SLC2A14: variants seen among roughly 807,000 people sequenced by gnomAD.
The protein encoded by SLC2A14 is solute carrier family 2, facilitated glucose transporter member 14.
A neutral mutation model predicts 43.0 loss-of-function variants in SLC2A14; 13 were observed. The ratio of observed to expected loss-of-function variants is 0.30; its 90% confidence interval spans 0.20 to 0.48. The LOEUF (loss-of-function observed/expected upper bound fraction) is 0.48, where lower values mean the gene tolerates loss of function less well. Among genes scored for constraint, SLC2A14 ranks in the 20% least tolerant of loss-of-function variants. The probability of loss-of-function intolerance (pLI) is 0.99; values close to 1 mark genes in which losing one functional copy is unlikely to be tolerated. For missense variants in SLC2A14, 428 were observed against 620.4 expected (o/e 0.69, Z 3.29); for synonymous variants, 190 against 233.8 (o/e 0.81, Z 1.71).
intron 9 of SLC2A14, 39 bp downstream of exon 9, chr12:7,819,443 C>T (rs767100187): frequency 6.2e-7 from 1 of 1,609,330 alleles, no homozygotes; most frequent in African/African-American, 1.3e-5. Flanking sequence ...AACCTCTCTT[C>T]TTTCCCCCTC....
At chr12:7,822,943 G>A (rs1864047750) in intron 7 of SLC2A14, among the ~76,000 whole-genome samples, 1 of 152,156 alleles carries the variant, frequency 6.6e-6, no homozygotes, top group Admixed American at 6.6e-5. Context: ...ACCTTATCCT[G>A]CTCCTTGAAT....
intron 10 of SLC2A14, 108 bp downstream of exon 10, chr12:7,817,723 G>T (rs760593837): frequency 1.1e-5 from 11 of 1,042,514 alleles, no homozygotes; most frequent in Admixed American, 4.1e-5. Context: ...ACACCAGGGC[G>T]AGACTCAGTC....
Position 7,829,892 on chromosome 12 carries a change from G to T in SLC2A14, c.387C>A (p.Gly129=). The T allele has an allele frequency of 1.2e-6, 2 of 1,614,188 alleles. No homozygotes were observed. The highest frequency in any genetic ancestry group is 1.7e-6 in the Non-Finnish European group (2 of 1,180,030). The change falls in exon 5 of 11, where the codon GGC becomes GGA. Residue 129 remains glycine, a synonymous_variant. Coordinates refer to ENST00000431042, the MANE Select transcript of SLC2A14 (RefSeq NM_001286234.2). ...AACCTGTGCAGAGTCCGCAGAAGAG[G>T]CCAATAACCAAGCGGCCCAGGATCA... ...EMLILGRLVI[G]LFCGLCTGFV...
At chr12:7,840,413 CTT>C (rs1865854177) in intron 2 of SLC2A14, among the ~76,000 whole-genome samples, 1 of 151,950 alleles carries the variant, frequency 6.6e-6, no homozygotes, top group Admixed American at 6.6e-5. Flanking sequence ...GAATTTCGCT[CTT>C]GTCGCCTAGT....
upstream of SLC2A14, among the ~76,000 whole-genome samples, chr12:7,874,629 G>A (rs1389636982): frequency 7.4e-5 from 11 of 148,948 alleles, no homozygotes; most frequent in Admixed American, 5.4e-4. Flanking sequence ...CCGAGATCAC[G>A]CCACTGCACT....
At chr12:7,856,459 A>G (rs1592264403) in intron 2 of SLC2A14, 3 of 152,292 alleles carry the variant, frequency 2.0e-5, no homozygotes, top group African/African-American at 7.2e-5. Flanking sequence ...CAACATAGCA[A>G]GATCCTGTCT....
chr12:7,866,099 C>T (rs1346974804), intron 2 of SLC2A14, among the ~76,000 whole-genome samples: 1 of 151,714 alleles, frequency 6.6e-6, no homozygotes, highest in Non-Finnish European at 1.5e-5. Context: ...CGCTTGTACC[C>T]AGCTAATCCC....
intron 1 of SLC2A14, among the ~76,000 whole-genome samples, chr12:7,879,825 T>G (rs1191809378): frequency 6.6e-6 from 1 of 150,746 alleles, no homozygotes; most frequent in South Asian, 2.1e-4. Context: ...GCCAACATGG[T>G]GAAACCCCAT....
At chr12:7,842,635 C>G (rs1866061197) in intron 2 of SLC2A14, among the ~76,000 whole-genome samples, 1 of 151,962 alleles carries the variant, frequency 6.6e-6, no homozygotes, top group Non-Finnish European at 1.5e-5. Flanking sequence ...AATCACCAGG[C>G]TACCACCCCC....
chr12:7,837,012 C>G (rs1865514690), intron 2 of SLC2A14, among the ~76,000 whole-genome samples: 1 of 150,076 alleles, frequency 6.7e-6, no homozygotes. Flanking sequence ...AATAAAAATA[C>G]AAAAATTATC....
intron 2 of SLC2A14, among the ~76,000 whole-genome samples, chr12:7,862,494 C>T (rs1944629730): frequency 6.6e-6 from 1 of 151,934 alleles, no homozygotes; most frequent in Non-Finnish European, 1.5e-5. Context: ...CCTGTGCGGA[C>T]GAGCCTCCCC....
chr12:7,834,150 C>A (rs78729165), intron 2 of SLC2A14, among the ~76,000 whole-genome samples: 34 of 151,662 alleles, frequency 2.2e-4, no homozygotes, highest in Non-Finnish European at 4.6e-4. Flanking sequence ...AGTAAAAGTC[C>A]TTTCTTTCTC....
At chr12:7,874,950 ATATT>A (rs1368328086), upstream of SLC2A14, among the ~76,000 whole-genome samples, 125 of 7,150 alleles carry the variant, frequency 0.017, 12 homozygotes, top group African/African-American at 0.032. Context: ...ATATATAAAT[ATATT>A]TATATATAAA....
At chr12:7,855,842 A>G (rs1409687266) in intron 2 of SLC2A14, among the ~76,000 whole-genome samples, 2 of 151,656 alleles carry the variant, frequency 1.3e-5, no homozygotes, top group East Asian at 1.9e-4. Context: ...TCACCATGTT[A>G]GCCAGGATGG....
In SLC2A14 at chr12:7,829,983, T is replaced by G; in HGVS notation, c.296A>C (p.Asn99Thr). 1.2e-6 allele frequency: 2 copies of G among 1,614,190 alleles called. No individual in the cohort carries two copies. The highest frequency in any genetic ancestry group is 2.2e-5 in the South Asian group (2 of 91,084). Residue 99 changes from asparagine to threonine, a missense_variant, in exon 5 of 11, where the codon AAC becomes ACC. This residue lies in a region of SLC2A14 where 122 missense variants were observed against 128.8 expected (regional missense o/e 0.95). Transcript: ENST00000431042. ...FGRRNSMLIV[N>T]LLAATGGCLM... ...GCAGCCACCAGTGGCAGCCAACAGGTTGACAATCAGCATTGAATTGCGCCT... is the reference window on the plus strand; with the variant it reads ...GCAGCCACCAGTGGCAGCCAACAGGGTGACAATCAGCATTGAATTGCGCCT...
At chr12:7,843,154 T>C (rs1866131462) in intron 2 of SLC2A14, among the ~76,000 whole-genome samples, 1 of 151,484 alleles carries the variant, frequency 6.6e-6, no homozygotes, top group Non-Finnish European at 1.5e-5. Flanking sequence ...GACAACTTAG[T>C]CAGCTGACCA....
chr12:7,871,302 T>A, intron 1 of SLC2A14: 1 of 1,109,340 alleles, frequency 9.0e-7, no homozygotes, highest in South Asian at 2.8e-5. Flanking sequence ...CACCCATTGA[T>A]AAAAAAAGAC....
chr12:7,817,769 T>TAGATAGATAGAC, intron 10 of SLC2A14, 62 bp downstream of exon 10: 3 of 1,548,976 alleles, frequency 1.9e-6, no homozygotes, highest in Admixed American at 3.6e-5. Context: ...GATAGATAGA[T>TAGATAGATAGAC]AGATAGATAG....
chr12:7,819,336 T>C, intron 9 of SLC2A14, 146 bp downstream of exon 9: 1 of 1,399,732 alleles, frequency 7.1e-7, no homozygotes, highest in Non-Finnish European at 9.7e-7. Context: ...ATGACCCATG[T>C]TTCTTAAAAA....
Sources: gnomAD v4.1 joint callset for allele counts (sites outside exome capture counted in the v4.1 genomes callset) on GRCh38, gnomAD v4.1.1 for gene constraint, gnomAD v4.1.1 regional missense constraint, MANE v1.5 for transcripts, NCBI Gene and HGNC (gene_info 2026-07-23, HGNC 2026-07-21) for gene names.